Variants in LHX6 observed in about 807,000 individuals in gnomAD.
LHX6 encodes the protein LIM homeobox 6, also known as LIM/homeobox protein Lhx6.
LHX6 carries 15 observed loss-of-function variants against 47.1 expected under a neutral mutation model. The observed-to-expected ratio is 0.32, with a 90% CI of 0.21 to 0.49. The LOEUF is 0.49. Among genes scored for constraint, LHX6 ranks in the 20% least tolerant of loss-of-function variants. The pLI, the probability that LHX6 is intolerant of heterozygous loss-of-function variation, is 0.99. For missense variants in LHX6, 404 were observed against 539.6 expected, an observed-to-expected ratio of 0.75 and a Z score of 2.49; for synonymous variants, 242 against 233.5, an observed-to-expected ratio of 1.04 and a Z score of -0.33.
chr9:122,228,218 A>C (rs965206448), intron 1 of LHX6: 7 of 1,500,590 alleles, frequency 4.7e-6, no homozygotes, highest in Admixed American at 2.0e-5. Flanking sequence ...AAAGAGAGCG[A>C]GATCGGGGCG....
rs760564270 is a variant in LHX6, at chr9:122,228,339, G to C, written c.84+318C>G. 5.2e-6 allele frequency: 8 copies of C among 1,533,352 alleles called. No individual in the cohort carries two copies. In the Admixed American group the frequency reaches 5.9e-5, roughly 11 times the overall value. The allele number at this position is 1,533,352 out of a possible 1,614,324, so 95.0% of individuals were successfully genotyped here. A position where few individuals can be genotyped will look rare whatever the true frequency, so the allele number is the denominator to read the frequency against. Reference sequence around the variant, plus strand: ...GCGTCGGGATTCTCAGCGCTGCGCCGGCACAACCCCCGGCGCATCGGCGCT... The same window carrying C: ...GCGTCGGGATTCTCAGCGCTGCGCCCGCACAACCCCCGGCGCATCGGCGCT... On this transcript the variant is annotated intron_variant, in intron 1 of 9. Coordinates refer to ENST00000394319, the MANE Select transcript of LHX6 (RefSeq NM_014368.5).
At chr9:122,221,471 C>G (rs765293023) in intron 4 of LHX6, 6 of 985,424 alleles carry the variant, frequency 6.1e-6, no homozygotes, top group Non-Finnish European at 7.2e-6. Flanking sequence ...AGCTTGGGCT[C>G]AAGGCGGAGG....
chr9:122,208,772 T>C (rs749521901), intron 9 of LHX6, among the ~76,000 whole-genome samples: 1 of 147,156 alleles, frequency 6.8e-6, no homozygotes, highest in Non-Finnish European at 1.5e-5. Flanking sequence ...GAGGTGGAGG[T>C]TGCAGTGAGC....
At chr9:122,220,902 A>G (rs1466546125) in intron 4 of LHX6, 1 of 177,398 alleles carries the variant, frequency 5.6e-6, no homozygotes, top group Non-Finnish European at 1.1e-5. Context: ...GATACCTAGT[A>G]AGCGCTTGGT....
chr9:122,227,222 C>T, intron 2 of LHX6, 187 bp downstream of exon 2: 5 of 771,580 alleles, frequency 6.5e-6, no homozygotes, highest in Non-Finnish European at 9.8e-6. Context: ...TTAACACGCG[C>T]ATTCTGGGTG....
chr9:122,221,423 G>C (rs996883678), intron 4 of LHX6: 7 of 985,562 alleles, frequency 7.1e-6, no homozygotes, highest in East Asian at 2.3e-4. Flanking sequence ...CTCGCTTTGC[G>C]GGAGGGGGTA....
chr9:122,228,069 T>C (rs1241438890), intron 1 of LHX6: 2 of 542,358 alleles, frequency 3.7e-6, no homozygotes, highest in Non-Finnish European at 6.5e-6. Context: ...GGGCGGAGGG[T>C]GGTTGAAGAA....
Position 122,203,683 on chromosome 9 carries a change from C to A in LHX6, c.*1077G>T, listed in dbSNP as rs921995522. On this transcript the variant is annotated 3_prime_UTR_variant, in exon 10 of 10. Transcript: ENST00000394319. The stretch of plus-strand genomic sequence containing the variant: ...AAGTATTGATTGGGAAGCTCAGAGG[C>A]ACCAGTTGGAATCCTGAGCTTGGCA... 18 of 152,654 alleles carry A rather than the reference C, an allele frequency of 1.2e-4. No homozygotes were observed. Among genetic ancestry groups the A allele is most frequent in the African/African-American group, 3.9e-4 (16 of 41,426 alleles). The allele number at this position is 152,654 out of a possible 1,614,324, so 9.5% of individuals were successfully genotyped here.
chr9:122,204,650 G>A lies in LHX6; in HGVS notation c.*110C>T, dbSNP rs1438786922. On this transcript the variant is annotated 3_prime_UTR_variant, in exon 10 of 10. Transcript: ENST00000394319. ...TGGTGGTGGGCAGGATGGCGGACGG[G>A]GGTGGATGCGGAGGTGGGTGGACTC... is the stretch of plus-strand genomic sequence containing the variant. The A allele has an allele frequency of 1.5e-6, 2 of 1,340,476 alleles. No individual in the cohort carries two copies. Among genetic ancestry groups the A allele is most frequent in the Admixed American group, 2.1e-5 (1 of 46,996 alleles). 83.0% of individuals were successfully genotyped at this position (1,340,476 alleles called of 1,614,324 possible). A position where few individuals can be genotyped will look rare whatever the true frequency, so the allele number is the denominator to read the frequency against.
rs1291766761 is a variant in LHX6 at position 122,204,768 on chromosome 9, GA to G, written c.1170del (p.Gln391SerfsTer143). On this transcript the variant is annotated frameshift_variant, in exon 10 of 10. Transcript: ENST00000394319. LOFTEE classifies it high-confidence loss of function. ...CGGAAGTGCCGGCAGCGTTAGTACT[GA>G]AAAAGGATGACCTGCAAGAGGAGGG... ...LSNRGEKVIL[F>X]QY is the part of the protein sequence containing the mutation. 10 of 1,592,276 alleles carry G rather than the reference GA, an allele frequency of 6.3e-6. No homozygotes were observed. Among genetic ancestry groups the G allele is most frequent in the Admixed American group, 1.7e-5 (1 of 57,380 alleles).
chr9:122,224,695 G>A (rs373183718), intron 4 of LHX6, among the ~76,000 whole-genome samples: 11 of 151,510 alleles, frequency 7.3e-5, no homozygotes, highest in Admixed American at 2.0e-4. Flanking sequence ...ACCACTTTGC[G>A]TGCACGTGCA....
chr9:122,228,596 TG>T, intron 1 of LHX6, 60 bp downstream of exon 1: 1 of 1,336,716 alleles, frequency 7.5e-7, no homozygotes, highest in African/African-American at 1.6e-5. Flanking sequence ...TCGGCCCGGC[TG>T]GGTCCCGGAC....
intron 5 of LHX6, among the ~76,000 whole-genome samples, chr9:122,215,831 C>T (rs1313879958): frequency 6.6e-6 from 1 of 152,110 alleles, no homozygotes; most frequent in African/African-American, 2.4e-5. Context: ...CAGGCTGGGA[C>T]CTAGAAGTTG....
chr9:122,214,449 G>C lies in LHX6; in HGVS notation c.683-66C>G. The C allele has an allele frequency of 6.9e-7, 1 of 1,446,552 alleles. No individual in the cohort carries two copies. The highest frequency in any genetic ancestry group is 9.1e-7 in the Non-Finnish European group (1 of 1,104,086). The allele number at this position is 1,446,552 out of a possible 1,614,324, so 89.6% of individuals were successfully genotyped here. A position where few individuals can be genotyped will look rare whatever the true frequency, so the allele number is the denominator to read the frequency against. On this transcript the variant is annotated intron_variant, in intron 5 of 9. Transcript: ENST00000394319. This position sits in a 1 kb window ranked among gnomAD's most constrained non-coding sequence, Gnocchi z 4.6. Reference sequence around the variant, plus strand: ...TTCTAGTGGCAGCCTGGAAAGGACGGGGGTGGGGGGAGCTTGTCCCTGGAA... The same window carrying C: ...TTCTAGTGGCAGCCTGGAAAGGACGCGGGTGGGGGGAGCTTGTCCCTGGAA...
chr9:122,213,519 C>T lies in LHX6; in HGVS notation c.1054+87G>A. 1.6e-6 allele frequency: 2 copies of T among 1,272,666 alleles called. No individual in the cohort carries two copies. The highest frequency in any genetic ancestry group is 3.0e-5 in the South Asian group (2 of 65,994). The allele number at this position is 1,272,666 out of a possible 1,614,324, so 78.8% of individuals were successfully genotyped here. ...CACGAGGCTCCCCAAGGCCCTCCAC[C>T]CCACGCCTCGGCCTCAGCCGCCCAC... is the stretch of plus-strand genomic sequence containing the variant. On this transcript the variant is annotated intron_variant, in intron 8 of 9. Transcript: ENST00000394319. The surrounding 1 kb of genome is among the most constrained non-coding windows in gnomAD (Gnocchi z 5.5).
At position 122,226,654 on chromosome 9, in the gene LHX6, G is replaced by A; in HGVS notation, c.340-157C>T. On this transcript the variant is annotated intron_variant, in intron 3 of 9. Coordinates refer to ENST00000394319, the MANE Select transcript of LHX6 (RefSeq NM_014368.5). This position sits in a 1 kb window ranked among gnomAD's most constrained non-coding sequence, Gnocchi z 6.5. ...CCGTAATACTGAGACTCAGGGAAAT[G>A]GAAATAAACTCTTCTTATTTTTCAG... 7.8e-7 allele frequency: 1 copy of A among 1,275,258 alleles called. No individual in the cohort carries two copies. Among genetic ancestry groups the A allele is most frequent in the Non-Finnish European group, 1.1e-6 (1 of 936,168 alleles). 79.0% of individuals were successfully genotyped at this position (1,275,258 alleles called of 1,614,324 possible).
At chr9:122,210,734 G>T (rs1415587572) in intron 8 of LHX6, among the ~76,000 whole-genome samples, 1 of 152,044 alleles carries the variant, frequency 6.6e-6, no homozygotes, top group East Asian at 1.9e-4. Flanking sequence ...GCTAATTTTT[G>T]TATTTTTTGG....
intron 4 of LHX6, among the ~76,000 whole-genome samples, chr9:122,219,979 C>A (rs1830775287): frequency 6.6e-6 from 1 of 152,232 alleles, no homozygotes; most frequent in Non-Finnish European, 1.5e-5. Flanking sequence ...CCTCAGGGAG[C>A]GGACAGAGCC....
Position 122,226,654 on chromosome 9 carries a change from G to T in LHX6, c.340-157C>A. ...CCGTAATACTGAGACTCAGGGAAAT[G>T]GAAATAAACTCTTCTTATTTTTCAG... On this transcript the variant is annotated intron_variant, in intron 3 of 9. Coordinates refer to ENST00000394319, the MANE Select transcript of LHX6 (RefSeq NM_014368.5). This position sits in a 1 kb window ranked among gnomAD's most constrained non-coding sequence, Gnocchi z 6.5. The T allele has an allele frequency of 7.8e-7, 1 of 1,275,254 alleles. No individual in the cohort carries two copies. The highest frequency in any genetic ancestry group is 1.5e-5 in the African/African-American group (1 of 67,166). 79.0% of individuals were successfully genotyped at this position (1,275,254 alleles called of 1,614,324 possible).
Sources: gnomAD v4.1 joint callset for allele counts (sites outside exome capture counted in the v4.1 genomes callset) on GRCh38, gnomAD v4.1.1 for gene constraint, Gnocchi (gnomAD v3.1) non-coding constraint, MANE v1.5 for transcripts, NCBI Gene and HGNC (gene_info 2026-07-23, HGNC 2026-07-21) for gene names.